The following BCAS3 variants were observed in gnomAD, a reference collection of about 807,000 sequenced individuals.
The protein encoded by BCAS3 is BCAS3 microtubule associated cell migration factor, also known as BCAS4/BCAS3 fusion.
A neutral mutation model predicts 116.1 loss-of-function variants in BCAS3; 53 were observed. That is an observed-to-expected ratio of 0.46 (90% confidence interval 0.37 to 0.57). BCAS3 has a LOEUF of 0.57. Ranked by LOEUF, BCAS3 falls within the 20% of genes least tolerant of loss-of-function variation. The pLI is 0.00. For missense variants in BCAS3, 917 were observed against 1,165.4 expected, an observed-to-expected ratio of 0.79 and a Z score of 3.10; for synonymous variants, 391 against 408.2, an observed-to-expected ratio of 0.96 and a Z score of 0.51.
chr17:61,024,979 C>G (rs946441691), intron 16 of BCAS3, among the ~76,000 whole-genome samples: 5 of 152,062 alleles, frequency 3.3e-5, no homozygotes, highest in African/African-American at 1.2e-4. Flanking sequence ...AGATTACAGT[C>G]ACTTCTGGAC....
At chr17:60,710,331 C>T (rs564556886) in intron 5 of BCAS3, among the ~76,000 whole-genome samples, 25 of 152,114 alleles carry the variant, frequency 1.6e-4, no homozygotes, top group Non-Finnish European at 3.5e-4. Context: ...TGTATTACCT[C>T]AGATTTAATG....
chr17:60,971,165 GA>G (rs1277701320), intron 14 of BCAS3, among the ~76,000 whole-genome samples: 29 of 152,184 alleles, frequency 1.9e-4, no homozygotes. Context: ...TTTGTTTGCA[GA>G]ACTCATGGCC....
chr17:60,918,951 C>T (rs1470053386), intron 12 of BCAS3, among the ~76,000 whole-genome samples: 1 of 152,138 alleles, frequency 6.6e-6, no homozygotes. Context: ...CCTCAGCCTC[C>T]CAAAGTGCTG....
At chr17:60,941,585 A>T (rs1203533820) in intron 13 of BCAS3, among the ~76,000 whole-genome samples, 1 of 152,190 alleles carries the variant, frequency 6.6e-6, no homozygotes, top group Non-Finnish European at 1.5e-5. Context: ...TGAAAAAAGT[A>T]AACTTACTGG....
At chr17:61,262,628 G>T (rs561098442) in intron 22 of BCAS3, among the ~76,000 whole-genome samples, 1 of 152,028 alleles carries the variant, frequency 6.6e-6, no homozygotes, top group South Asian at 2.1e-4. Context: ...TGATCCACCC[G>T]CCTCGGCCTC....
chr17:61,067,287 A>G lies in BCAS3; in HGVS notation c.2030-7633A>G, dbSNP rs1474062266. 9.2e-4 allele frequency among the ~76,000 whole-genome samples: 113 copies of G among 122,308 alleles called. 7 individuals are homozygous for G. Among genetic ancestry groups the G allele is most frequent in the African/African-American group, 3.2e-3 (101 of 31,094 alleles). The allele number at this position is 122,308 out of a possible 152,430, so 80.2% of individuals were successfully genotyped here. ...TGTGTGTATGTGTATATATATATAT[A>G]TATATATATATATATATATATATAT... On this transcript the variant is annotated intron_variant, in intron 19 of 23. Coordinates refer to ENST00000407086, the MANE Select transcript of BCAS3 (RefSeq NM_017679.5).
intron 14 of BCAS3, among the ~76,000 whole-genome samples, chr17:60,979,552 G>T (rs1356606970): frequency 6.7e-6 from 1 of 148,844 alleles, no homozygotes; most frequent in East Asian, 2.0e-4. Context: ...AGTGGTGAGA[G>T]AGGGCATCCC....
Position 61,258,426 on chromosome 17 carries a change from G to A in BCAS3, c.2426-109901G>A, listed in dbSNP as rs1264456813. On this transcript the variant is annotated intron_variant, in intron 22 of 23. Coordinates refer to ENST00000407086, the MANE Select transcript of BCAS3 (RefSeq NM_017679.5). The surrounding 1 kb of genome is among the most constrained non-coding windows in gnomAD (Gnocchi z 4.7). ...AGGTTTTTAGAGGCAGGTTTATCTAGGTTTGAGTTGTGGGTCTGCCACTTC... is the reference window on the plus strand; with the variant it reads ...AGGTTTTTAGAGGCAGGTTTATCTAAGTTTGAGTTGTGGGTCTGCCACTTC... Among the ~76,000 whole-genome samples the A allele has an allele frequency of 6.6e-6, 1 of 152,184 alleles. No individual in the cohort carries two copies. Among genetic ancestry groups the A allele is most frequent in the East Asian group, 1.9e-4 (1 of 5,192 alleles).
chr17:60,988,186 T>TAAATGA (rs200074523), intron 14 of BCAS3, among the ~76,000 whole-genome samples: 23,077 of 147,306 alleles, frequency 0.16, 5,558 homozygotes, highest in African/African-American at 0.52. Flanking sequence ...TTGGTTGTGA[T>TAAATGA]TTTTTTTTTT....
At chr17:60,826,276 C>T (rs958195514) in intron 7 of BCAS3, among the ~76,000 whole-genome samples, 11 of 151,970 alleles carry the variant, frequency 7.2e-5, no homozygotes, top group African/African-American at 1.7e-4. Flanking sequence ...CTTCACCTCC[C>T]GGTTTCAAGC....
At chr17:60,924,383 A>C (rs753196749) in intron 12 of BCAS3, 24 bp from the exon 13 acceptor site, 2 of 1,606,284 alleles carry the variant, frequency 1.2e-6, no homozygotes, top group Admixed American at 3.3e-5. Flanking sequence ...ATTTACCTCC[A>C]TTTGTCTTTA....
At chr17:61,299,979 A>G (rs1248490036) in intron 22 of BCAS3, among the ~76,000 whole-genome samples, 1 of 152,216 alleles carries the variant, frequency 6.6e-6, no homozygotes, top group Non-Finnish European at 1.5e-5. Flanking sequence ...AGAAAAATGG[A>G]CAACTTATAA....
intron 22 of BCAS3, among the ~76,000 whole-genome samples, chr17:61,274,016 T>A (rs1041586124): frequency 6.6e-5 from 10 of 151,190 alleles, no homozygotes; most frequent in African/African-American, 1.2e-4. Context: ...CGTGCAGGTT[T>A]GTTACATATG....
At chr17:61,025,412 T>G (rs1431422853) in intron 16 of BCAS3, among the ~76,000 whole-genome samples, 1 of 152,088 alleles carries the variant, frequency 6.6e-6, no homozygotes, top group Non-Finnish European at 1.5e-5. Context: ...CCCACAGTGT[T>G]AGAATATGCA....
intron 5 of BCAS3, among the ~76,000 whole-genome samples, chr17:60,723,501 C>T (rs975209199): frequency 3.3e-5 from 5 of 152,036 alleles, no homozygotes; most frequent in African/African-American, 1.2e-4. Context: ...GCTAGGATTA[C>T]AGACATGAGC....
Position 61,065,465 on chromosome 17 carries a change from T to C in BCAS3, c.2030-9455T>C, listed in dbSNP as rs1250014029. 6.6e-6 allele frequency among the ~76,000 whole-genome samples: 1 copy of C among 152,210 alleles called. No homozygotes were observed. Among genetic ancestry groups the C allele is most frequent in the Non-Finnish European group, 1.5e-5 (1 of 68,018 alleles). ...ACCAAAAATATATTGAGGTTTGTCC[T>C]TGGGAGAGAGTTTATCACTGTTGGC... is the stretch of plus-strand genomic sequence containing the variant. On this transcript the variant is annotated intron_variant, in intron 19 of 23. Coordinates refer to ENST00000407086, the MANE Select transcript of BCAS3 (RefSeq NM_017679.5). The surrounding 1 kb of genome is among the most constrained non-coding windows in gnomAD (Gnocchi z 4.8).
At position 61,324,982 on chromosome 17, in the gene BCAS3, TAGAG is replaced by T. The variant is rs2055611002; in HGVS notation, c.2426-43342_2426-43339del. 6.6e-6 allele frequency among the ~76,000 whole-genome samples: 1 copy of T among 152,288 alleles called. No individual in the cohort carries two copies. Among genetic ancestry groups the T allele is most frequent in the South Asian group, 2.1e-4 (1 of 4,830 alleles). The stretch of plus-strand genomic sequence containing the variant: ...AGAGGAAACAGTTTAAAAATTAAGT[TAGAG>T]AGTTCTTGCAAAGGAGATGTTTTTG... On this transcript the variant is annotated intron_variant, in intron 22 of 23. Coordinates refer to ENST00000407086, the MANE Select transcript of BCAS3 (RefSeq NM_017679.5). The surrounding 1 kb of genome is among the most constrained non-coding windows in gnomAD (Gnocchi z 4.6).
rs565569554 is a variant in BCAS3, at chr17:61,261,614, G to A, written c.2426-106713G>A. 2.6e-4 allele frequency among the ~76,000 whole-genome samples: 39 copies of A among 152,172 alleles called. No homozygotes were observed. The highest frequency in any genetic ancestry group is 5.1e-4 in the Non-Finnish European group (35 of 68,036). On this transcript the variant is annotated intron_variant, in intron 22 of 23. Transcript: ENST00000407086. This position sits in a 1 kb window ranked among gnomAD's most constrained non-coding sequence, Gnocchi z 4.4. ...AAGCTAAAATGGTAAATCATGTGGT[G>A]TTTGATGTGACCATCTCCACGATTT...
In BCAS3 at chr17:60,753,089, C is replaced by G. The variant is rs2042637744; in HGVS notation, c.403+5810C>G. ...GAACCCCTGGCCTCAAACAATTCTCCCATCTCAGCCTCCCAGTGCTGGGAT... is the reference window on the plus strand; with the variant it reads ...GAACCCCTGGCCTCAAACAATTCTCGCATCTCAGCCTCCCAGTGCTGGGAT... On this transcript the variant is annotated intron_variant, in intron 6 of 23. Transcript: ENST00000407086. Among the ~76,000 whole-genome samples, 5 of 152,176 alleles carry G rather than the reference C, an allele frequency of 3.3e-5. No homozygotes were observed. The South Asian group carries it at 1.0e-3, about 32-fold the overall frequency.
Sources: gnomAD v4.1 joint callset for allele counts (sites outside exome capture counted in the v4.1 genomes callset) on GRCh38, gnomAD v4.1.1 for gene constraint, Gnocchi (gnomAD v3.1) non-coding constraint, MANE v1.5 for transcripts, NCBI Gene and HGNC (gene_info 2026-07-23, HGNC 2026-07-21) for gene names.